Variants in RBFOX1 observed in about 807,000 individuals in gnomAD.
RBFOX1 encodes the protein RNA binding protein fox-1 homolog 1.
RBFOX1 carries 8 observed loss-of-function variants against 57.7 expected under a neutral mutation model. The ratio of observed to expected loss-of-function variants is 0.14; its 90% CI spans 0.08 to 0.25. The LOEUF (loss-of-function observed/expected upper bound fraction) is 0.25. Ranked by LOEUF, RBFOX1 falls within the 10% of genes least tolerant of loss-of-function variation. RBFOX1 has a pLI of 1.00. For missense variants in RBFOX1, 611 were observed against 548.5 expected, an observed-to-expected ratio of 1.11 and a Z score of -1.14; for synonymous variants, 326 against 222.4, an observed-to-expected ratio of 1.47 and a Z score of -4.15.
intron 2 of RBFOX1, among the ~76,000 whole-genome samples, chr16:6,450,837 G>GTATATA (rs1555480732): frequency 4.6e-5 from 1 of 21,732 alleles, no homozygotes; most frequent in African/African-American, 1.8e-4. Flanking sequence ...ATATATATAT[G>GTATATA]TGTATATATA....
intron 1 of RBFOX1, among the ~76,000 whole-genome samples, chr16:6,283,726 C>T (rs1323220481): frequency 6.6e-6 from 1 of 152,184 alleles, no homozygotes. Flanking sequence ...TATGCACATA[C>T]CCGCAGCTAC....
At chr16:6,061,480 T>G (rs2095685795) in intron 1 of RBFOX1, among the ~76,000 whole-genome samples, 1 of 151,864 alleles carries the variant, frequency 6.6e-6, no homozygotes, top group Non-Finnish European at 1.5e-5. Context: ...TCTATTTTCA[T>G]TGTATAACAT....
At chr16:6,968,651 C>G (rs748159870) in intron 3 of RBFOX1, among the ~76,000 whole-genome samples, 4 of 152,110 alleles carry the variant, frequency 2.6e-5, no homozygotes, top group Non-Finnish European at 4.4e-5. Flanking sequence ...CACCATCCCA[C>G]AGGACTCGAG....
intron 4 of RBFOX1, among the ~76,000 whole-genome samples, chr16:7,114,608 T>A (rs181376121): frequency 7.9e-5 from 12 of 152,338 alleles, no homozygotes; most frequent in African/African-American, 2.9e-4. Context: ...TTCTCTTCTG[T>A]CATTTGAATG....
chr16:6,288,302 T>G (rs552026710), intron 1 of RBFOX1, among the ~76,000 whole-genome samples: 2 of 152,292 alleles, frequency 1.3e-5, no homozygotes, highest in East Asian at 3.9e-4. Context: ...AGTTGATGCT[T>G]GGGAAATCTT....
intron 2 of RBFOX1, among the ~76,000 whole-genome samples, chr16:6,409,074 C>T (rs998995127): frequency 1.3e-5 from 2 of 152,116 alleles, no homozygotes; most frequent in Admixed American, 6.5e-5. Flanking sequence ...TGAATAAATT[C>T]ACAGTCTCTC....
chr16:6,429,445 C>T (rs2094016913), intron 2 of RBFOX1, among the ~76,000 whole-genome samples: 1 of 152,148 alleles, frequency 6.6e-6, no homozygotes, highest in African/African-American at 2.4e-5. Context: ...TCCTAAAGGC[C>T]CTGGTATTTT....
intron 1 of RBFOX1, among the ~76,000 whole-genome samples, chr16:6,102,177 CAAA>C (rs371780023): frequency 1.2e-3 from 136 of 114,018 alleles, no homozygotes; most frequent in African/African-American, 3.7e-3. Flanking sequence ...CTCTTTCAGC[CAAA>C]AAAAAAAAAA....
chr16:6,713,988 A>C (rs9928716), intron 3 of RBFOX1, among the ~76,000 whole-genome samples: 14,666 of 152,228 alleles, frequency 0.096, 1,156 homozygotes, highest in African/African-American at 0.22. Flanking sequence ...GGCTTTGTGT[A>C]CCCACGTAAA....
chr16:5,683,625 C>G (rs2050412896), intron 3 of RBFOX1, among the ~76,000 whole-genome samples: 1 of 152,016 alleles, frequency 6.6e-6, no homozygotes, highest in Non-Finnish European at 1.5e-5. Context: ...ACATCAGACT[C>G]CAAGTTCTTT....
chr16:5,258,685 A>C (rs1234071259), intron 1 of RBFOX1, among the ~76,000 whole-genome samples: 1 of 152,186 alleles, frequency 6.6e-6, no homozygotes, highest in Non-Finnish European at 1.5e-5. Flanking sequence ...TGGGAGGCCA[A>C]GGTAGGCGGA....
chr16:6,077,987 T>A (rs935485353), intron 1 of RBFOX1, among the ~76,000 whole-genome samples: 2 of 152,114 alleles, frequency 1.3e-5, no homozygotes, highest in Non-Finnish European at 2.9e-5. Context: ...GAGAGAACTT[T>A]AATTCCCGGG....
At chr16:6,980,356 A>G (rs150639573) in intron 3 of RBFOX1, among the ~76,000 whole-genome samples, 2 of 152,318 alleles carry the variant, frequency 1.3e-5, no homozygotes, top group South Asian at 2.1e-4. Flanking sequence ...ACTAACATGT[A>G]ACCATTTCTT....
At chr16:5,763,174 G>T (rs955169568) in intron 3 of RBFOX1, among the ~76,000 whole-genome samples, 1 of 152,200 alleles carries the variant, frequency 6.6e-6, no homozygotes, top group African/African-American at 2.4e-5. Flanking sequence ...GAAGTCCATC[G>T]TGATTTGGGC....
intron 4 of RBFOX1, among the ~76,000 whole-genome samples, chr16:7,301,010 C>G (rs902404620): frequency 6.6e-6 from 1 of 151,120 alleles, no homozygotes. Flanking sequence ...CCCCACTTCT[C>G]CCATTTATTG....
chr16:7,175,739 T>C (rs2081529597), intron 4 of RBFOX1, among the ~76,000 whole-genome samples: 1 of 152,198 alleles, frequency 6.6e-6, no homozygotes, highest in Non-Finnish European at 1.5e-5. Context: ...TTGGTATTAT[T>C]TCTTTCATTT....
At chr16:6,898,271 C>T (rs768210210) in intron 3 of RBFOX1, among the ~76,000 whole-genome samples, 5 of 152,056 alleles carry the variant, frequency 3.3e-5, no homozygotes, top group Non-Finnish European at 7.4e-5. Flanking sequence ...CTGCCATCCT[C>T]AAGCTGCCAT....
intron 2 of RBFOX1, among the ~76,000 whole-genome samples, chr16:6,632,226 T>G (rs1345000533): frequency 6.6e-6 from 1 of 152,048 alleles, no homozygotes; most frequent in South Asian, 2.1e-4. Flanking sequence ...GGAAGAACTT[T>G]AGAGTCTGTT....
At chr16:6,439,811 A>G (rs146661428) in intron 2 of RBFOX1, among the ~76,000 whole-genome samples, 1 of 152,248 alleles carries the variant, frequency 6.6e-6, no homozygotes, top group Non-Finnish European at 1.5e-5. Context: ...ACACACCTGA[A>G]TGAACCAAGG....
Sources: gnomAD v4.1 joint callset for allele counts (sites outside exome capture counted in the v4.1 genomes callset) on GRCh38, gnomAD v4.1.1 for gene constraint, MANE v1.5 for transcripts, NCBI Gene and HGNC (gene_info 2026-07-23, HGNC 2026-07-21) for gene names.